Variants in TEX101 observed in about 807,000 individuals in gnomAD.
TEX101 encodes the protein testis-expressed protein 101.
In TEX101, 10 loss-of-function variants were observed where a neutral mutation model predicts 18.1. The observed-to-expected ratio is 0.55, with a 90% CI of 0.34 to 0.94. TEX101 has a LOEUF of 0.94. TEX101 is among the 40% of genes least tolerant of loss of function. The pLI, the probability that TEX101 is intolerant of heterozygous loss-of-function variation, is 0.02. For synonymous variants in TEX101, 94 were observed against 114.8 expected (o/e 0.82, Z 1.16); for missense variants, 259 against 298.9 (o/e 0.87, Z 0.98).
Position 43,416,218 on chromosome 19 carries a change from G to A in TEX101, c.184G>A (p.Glu62Lys). The change falls in exon 3 of 6, where the codon GAA (glutamate) becomes AAA (lysine). Residue 62 changes from glutamate (E) to lysine (K), a missense_variant. By Grantham distance (56) the Glu-to-Lys change is moderately conservative (BLOSUM62 1). Transcript: ENST00000598265. ...ETCDKGALCQ[E>K]TILIIKAGTE... ...TTGTGACAAAGGGGCACTTTGCCAG[G>A]AAACCATACTAATAATTAAAGCAGG... The A allele has an allele frequency of 6.2e-7, 1 of 1,610,472 alleles. No individual in the cohort carries two copies. Among genetic ancestry groups the A allele is most frequent in the Non-Finnish European group, 8.5e-7 (1 of 1,178,614 alleles).
intron 1 of TEX101, among the ~76,000 whole-genome samples, chr19:43,415,341 C>G (rs988638392): frequency 4.6e-5 from 7 of 152,078 alleles, no homozygotes; most frequent in Non-Finnish European, 1.0e-4. Context: ...TTGGAGGGCA[C>G]TGGGTGGCCG....
At chr19:43,391,295 A>G in the TEX101 span, among the ~76,000 whole-genome samples, 1 of 151,878 alleles carries the variant, frequency 6.6e-6, no homozygotes, top group African/African-American at 2.4e-5. Context: ...TGGTGAGTCT[A>G]TGATTAATTT....
the TEX101 span, among the ~76,000 whole-genome samples, chr19:43,394,617 C>G: frequency 6.6e-6 from 1 of 152,150 alleles, no homozygotes; most frequent in Admixed American, 6.6e-5. Flanking sequence ...ACTACAAGCA[C>G]GTGCCACCAC....
upstream of TEX101, among the ~76,000 whole-genome samples, chr19:43,411,683 T>A (rs1329227884): frequency 6.6e-6 from 1 of 151,890 alleles, no homozygotes; most frequent in Non-Finnish European, 1.5e-5. Flanking sequence ...CAAGTTTTGC[T>A]CTTGTTGCCC....
upstream of TEX101, among the ~76,000 whole-genome samples, chr19:43,413,474 C>G (rs1970437314): frequency 1.4e-5 from 2 of 144,898 alleles, no homozygotes; most frequent in African/African-American, 5.2e-5. Context: ...TGCACTCCAG[C>G]CTGGGCAACA....
rs567092073 is a variant in TEX101, at chr19:43,415,564, C to G, written c.-39-317C>G. On this transcript the variant is annotated intron_variant, in intron 1 of 5. Transcript: ENST00000598265. ...ATCACCTGAGATCAGGAGTTCGAGA[C>G]CAGCCTGACCAACATGGTGAAACGT... Among the ~76,000 whole-genome samples the G allele has an allele frequency of 3.3e-5, 5 of 152,160 alleles. No homozygotes were observed. The South Asian group carries it at 1.0e-3, about 32-fold the overall frequency.
chr19:43,389,014 C>T, the TEX101 span, among the ~76,000 whole-genome samples: 2 of 152,120 alleles, frequency 1.3e-5, no homozygotes, highest in Non-Finnish European at 2.9e-5. Context: ...CTCGAGGCAT[C>T]GTAGCTTCCC....
Position 43,415,915 on chromosome 19 carries a change from A to C in TEX101, c.-5A>C. The C allele has an allele frequency of 6.2e-7, 1 of 1,614,166 alleles. No homozygotes were observed. The highest frequency in any genetic ancestry group is 8.5e-7 in the Non-Finnish European group (1 of 1,180,028). ...AGCTCCTCCCAGACCTCTCCAGAAG[A>C]AGCCATGGGAACCCCTCGTATCCAG... On this transcript the variant is annotated 5_prime_UTR_variant, in exon 2 of 6. Coordinates refer to ENST00000598265, the MANE Select transcript of TEX101 (RefSeq NM_001130011.3).
upstream of TEX101, among the ~76,000 whole-genome samples, chr19:43,397,342 G>C (rs1455308837): frequency 2.0e-5 from 3 of 151,856 alleles, no homozygotes; most frequent in Non-Finnish European, 2.9e-5. Flanking sequence ...CTGTGCCTGG[G>C]GTGTCTTTCA....
intron 3 of TEX101, 29 bp downstream of exon 3, chr19:43,416,271 G>A: frequency 6.3e-7 from 1 of 1,593,594 alleles, no homozygotes; most frequent in Non-Finnish European, 8.5e-7. Context: ...TTTGGGCTGG[G>A]TAGGAGGGAG....
chr19:43,416,663 A>G (rs1568459052), intron 4 of TEX101, 108 bp downstream of exon 4: 1 of 1,038,276 alleles, frequency 9.6e-7, no homozygotes, highest in East Asian at 2.4e-5. Context: ...TCCATACCCC[A>G]AAGTACCTCA....
chr19:43,395,326 C>T, the TEX101 span, among the ~76,000 whole-genome samples: 1 of 152,200 alleles, frequency 6.6e-6, no homozygotes, highest in African/African-American at 2.4e-5. Flanking sequence ...TTCTCAAAGG[C>T]CTTAAGCTCA....
chr19:43,393,055 A>G, the TEX101 span, among the ~76,000 whole-genome samples: 299 of 93,890 alleles, frequency 3.2e-3, 1 homozygote, highest in East Asian at 0.036. Context: ...GAGACTCTGG[A>G]AAGAAAAGAA....
At chr19:43,416,076 T>C in intron 2 of TEX101, 23 bp from the exon 3 acceptor site, 1 of 1,607,156 alleles carries the variant, frequency 6.2e-7, no homozygotes, top group Non-Finnish European at 8.5e-7. Context: ...GAAGTGCTTA[T>C]CCTTTTCTTG....
rs1283518479 is a variant in TEX101 at position 43,418,551 on chromosome 19, T to C, written c.*154T>C. On this transcript the variant is annotated 3_prime_UTR_variant, in exon 6 of 6. Transcript: ENST00000598265. ...GACATTTTTAATACAATTTCTGCTA[T>C]AATTTTTGTATGCAGTAGGCGTTAC... 1 of 650,058 alleles carries C rather than the reference T, an allele frequency of 1.5e-6. No individual in the cohort carries two copies. Among genetic ancestry groups the C allele is most frequent in the East Asian group, 2.7e-5 (1 of 36,480 alleles). 40.3% of individuals were successfully genotyped at this position (650,058 alleles called of 1,614,324 possible).
intron 3 of TEX101, among the ~76,000 whole-genome samples, chr19:43,408,313 G>A (rs924190226): frequency 3.7e-4 from 49 of 131,972 alleles, no homozygotes; most frequent in Admixed American, 2.3e-3. Flanking sequence ...GGGCTAGATC[G>A]GGGTTCGGGG....
Position 43,415,934 on chromosome 19 carries a change from T to A in TEX101, c.15T>A (p.Arg5=). 1 of 1,614,176 alleles carries A rather than the reference T, an allele frequency of 6.2e-7. No homozygotes were observed. The highest frequency in any genetic ancestry group is 8.5e-7 in the Non-Finnish European group (1 of 1,180,022). MGTP[R]IQHLLILLVL... ...CAGAAGAAGCCATGGGAACCCCTCG[T>A]ATCCAGCATTTGCTGATCCTCCTGG... Residue 5 remains arginine, a synonymous_variant, in exon 2 of 6, where the codon CGT becomes CGA. Coordinates refer to ENST00000598265, the MANE Select transcript of TEX101 (RefSeq NM_001130011.3).
rs748621908 is a variant in TEX101 at position 43,418,230 on chromosome 19, T to C, written c.583T>C (p.Ser195Pro). ...AGCCATGATTGGCTGCAGGCTGATG[T>C]CTGGAATCTTAGCAGTAGGACCCAT... The part of the protein sequence containing the change: ...CTAMIGCRLM[S>P]GILAVGPMFV... Residue 195 changes from serine to proline, a missense_variant, in exon 6 of 6, where the codon TCT (serine) becomes CCT (proline). Physicochemically the swap from Ser to Pro is moderately conservative, Grantham distance 74 (BLOSUM62 -1). Coordinates refer to ENST00000598265, the MANE Select transcript of TEX101 (RefSeq NM_001130011.3). 1.9e-6 allele frequency: 3 copies of C among 1,614,176 alleles called. No homozygotes were observed. Among genetic ancestry groups the C allele is most frequent in the Non-Finnish European group, 2.5e-6 (3 of 1,180,018 alleles).
chr19:43,418,066 C>G, intron 5 of TEX101, 60 bp downstream of exon 5: 2 of 1,613,240 alleles, frequency 1.2e-6, no homozygotes, highest in Non-Finnish European at 1.7e-6. Context: ...AGTGGCTCCC[C>G]AGAGATTCTG....
Sources: gnomAD v4.1 joint callset for allele counts (sites outside exome capture counted in the v4.1 genomes callset) on GRCh38, gnomAD v4.1.1 for gene constraint, MANE v1.5 for transcripts, NCBI Gene and HGNC (gene_info 2026-07-23, HGNC 2026-07-21) for gene names.